NAGPA: variants seen among roughly 807,000 people sequenced by gnomAD.
NAGPA encodes the protein alpha-N-acetylglucosaminyl phosphodiesterase.
NAGPA carries 56 observed loss-of-function variants against 48.5 expected under a neutral mutation model. The observed-to-expected ratio is 1.15, with a 90% CI of 0.93 to 1.44. The LOEUF (loss-of-function observed/expected upper bound fraction) is 1.44. Among genes scored for constraint, NAGPA ranks in the 40% most tolerant of loss-of-function variants. The pLI is 0.00. For synonymous variants in NAGPA, 399 were observed against 315.5 expected (o/e 1.26, Z -2.81); for missense variants, 888 against 735.0 (o/e 1.21, Z -2.41).
chr16:5,031,830 C>T lies in NAGPA; in HGVS notation c.597G>A (p.Leu199=). The change falls in exon 3 of 10, where the codon CTG becomes CTA. Residue 199 remains leucine (L), a synonymous_variant. Transcript: ENST00000312251. ...TACGAATCAGCCACACGACCCCACT[C>T]AGCAGCTGCACAAATGGGTTCTCAG... ...LDTENPFVQL[L]SGVVWLIRNG... The T allele has an allele frequency of 6.2e-7, 1 of 1,614,204 alleles. No individual in the cohort carries two copies. The highest frequency in any genetic ancestry group is 8.5e-7 in the Non-Finnish European group (1 of 1,180,032).
At position 5,033,679 on chromosome 16, in the gene NAGPA, G is replaced by A. The variant is rs780701379; in HGVS notation, c.136C>T (p.Arg46Cys). The A allele has an allele frequency of 1.2e-5, 19 of 1,591,044 alleles. No homozygotes were observed. The highest frequency in any genetic ancestry group is 5.1e-5 in the Admixed American group (3 of 58,720). ...ACCCGTGTGCAGTCCCGGGGGAGGC[G>A]CGCGCGCGCGCGTGGATAGGGCAGT... ...LLLPYPRARA[R>C]LPRDCTRVRA... The change falls in exon 2 of 10, where the codon CGC becomes TGC. Residue 46 changes from arginine to cysteine, a missense_variant. By Grantham distance (180) the Arg-to-Cys change is radical (BLOSUM62 -3). Transcript: ENST00000312251. This position sits in a 1 kb window ranked among gnomAD's most constrained non-coding sequence, Gnocchi z 4.2.
Position 5,027,863 on chromosome 16 carries a change from C to T in NAGPA, c.1157G>A (p.Gly386Glu). 8 of 1,569,100 alleles carry T rather than the reference C, an allele frequency of 5.1e-6. No individual in the cohort carries two copies. The highest frequency in any genetic ancestry group is 6.9e-6 in the Non-Finnish European group (8 of 1,156,888). ...TGCRCDAGWTGSNCSEECPLG... is the reference protein window; with the variant it reads ...TGCRCDAGWTESNCSEECPLG... ...GCTCCTACCTTCACTGCAGTTGGAC[C>T]CGGTCCATCCGGCATCACAGCGGCA... is the stretch of plus-strand genomic sequence containing the variant. The change falls in exon 7 of 10, where the codon GGG (glycine) becomes GAG (glutamate). Residue 386 changes from glycine (G) to glutamate (E), a missense_variant. By Grantham distance (98) the Gly-to-Glu change is moderately conservative. Coordinates refer to ENST00000312251, the MANE Select transcript of NAGPA (RefSeq NM_016256.4).
At chr16:5,027,603 G>A (rs1345814611) in intron 7 of NAGPA, among the ~76,000 whole-genome samples, 1 of 152,212 alleles carries the variant, frequency 6.6e-6, no homozygotes, top group Non-Finnish European at 1.5e-5. Flanking sequence ...AGATAAGACC[G>A]TGCTGGATTT....
chr16:5,025,098 G>A lies in NAGPA; in HGVS notation c.*380C>T. ...GTCCCTTTAACCCACTCCAGCCAGG[G>A]GTGCTGGCCAGGATGTGCTGTTCTG... On this transcript the variant is annotated 3_prime_UTR_variant, in exon 10 of 10. Transcript: ENST00000312251. 3.7e-6 allele frequency: 1 copy of A among 273,350 alleles called. No homozygotes were observed. The highest frequency in any genetic ancestry group is 7.1e-6 in the Non-Finnish European group (1 of 140,130). The allele number at this position is 273,350 out of a possible 1,614,324, so 16.9% of individuals were successfully genotyped here. A position where few individuals can be genotyped will look rare whatever the true frequency, so the allele number is the denominator to read the frequency against.
rs373423815 is a variant in NAGPA at position 5,033,610 on chromosome 16, C to A, written c.205G>T (p.Ala69Ser). The A allele has an allele frequency of 2.6e-5, 39 of 1,504,654 alleles. No individual in the cohort carries two copies. In the African/African-American group the frequency reaches 4.5e-4, roughly 17 times the overall value. 93.2% of individuals were successfully genotyped at this position (1,504,654 alleles called of 1,614,324 possible). Residue 69 changes from alanine (A) to serine (S), a missense_variant, in exon 2 of 10, where the codon GCG (alanine) becomes TCG (serine). Transcript: ENST00000312251. The surrounding 1 kb of genome is among the most constrained non-coding windows in gnomAD (Gnocchi z 4.2). The stretch of plus-strand genomic sequence containing the variant: ...GCCAGACCGCCGGCGCCGGGAGTCG[C>A]GGGAGGCGGAGGCCAACTCTCGTGC... ...REHESWPPPP[A>S]TPGAGGLAVR...
intron 9 of NAGPA, among the ~76,000 whole-genome samples, chr16:5,026,809 G>T (rs574561778): frequency 6.6e-6 from 1 of 152,208 alleles, no homozygotes; most frequent in Non-Finnish European, 1.5e-5. Context: ...GCTGAGGCGG[G>T]AGGATCGCAG....
intron 2 of NAGPA, 45 bp from the exon 3 acceptor site, chr16:5,031,929 C>T (rs1346272769): frequency 6.2e-7 from 1 of 1,613,316 alleles, no homozygotes; most frequent in South Asian, 1.1e-5. Context: ...GCAGGGGCAA[C>T]TGCAGATAGT....
At chr16:5,031,499 C>T (rs1596666770) in intron 3 of NAGPA, 1 of 525,028 alleles carries the variant, frequency 1.9e-6, no homozygotes, top group South Asian at 2.1e-5. Context: ...CCCATCTCTC[C>T]CCTTTCCCCT....
intron 3 of NAGPA, chr16:5,030,924 C>T (rs897093470): frequency 6.8e-5 from 16 of 234,874 alleles, no homozygotes; most frequent in Admixed American, 3.1e-4. Flanking sequence ...CTTCCTTGAC[C>T]GCCCACTCTT....
intron 7 of NAGPA, 61 bp from the exon 8 acceptor site, chr16:5,027,440 G>C: frequency 1.9e-6 from 3 of 1,550,554 alleles, no homozygotes; most frequent in East Asian, 2.3e-5. Flanking sequence ...TCCAGTGTCA[G>C]AGCCTTTCTC....
Position 5,027,833 on chromosome 16 carries a change from T to C in NAGPA, c.1174+13A>G, listed in dbSNP as rs759350358. The stretch of plus-strand genomic sequence containing the variant: ...ACCGTCTCCCCATCCGCTAGTGGCG[T>C]GGCAGCTCCTACCTTCACTGCAGTT... On this transcript the variant is annotated intron_variant, in intron 7 of 9. Transcript: ENST00000312251. The C allele has an allele frequency of 4.4e-5, 68 of 1,554,660 alleles. No individual in the cohort carries two copies. The South Asian group carries it at 7.9e-4, about 18-fold the overall frequency.
intron 4 of NAGPA, 65 bp downstream of exon 4, chr16:5,030,320 T>C (rs1268964801): frequency 4.9e-6 from 7 of 1,428,804 alleles, no homozygotes; most frequent in South Asian, 2.4e-5. Context: ...GTGGCTGTCA[T>C]TGGGTCAACG....
chr16:5,029,891 T>C, intron 4 of NAGPA: 1 of 208,982 alleles, frequency 4.8e-6, no homozygotes, highest in Non-Finnish European at 9.7e-6. Context: ...ACCACTGCAC[T>C]CTGGCCTGGG....
Position 5,027,836 on chromosome 16 carries a change from C to T in NAGPA, c.1174+10G>A. On this transcript the variant is annotated intron_variant, in intron 7 of 9. Coordinates refer to ENST00000312251, the MANE Select transcript of NAGPA (RefSeq NM_016256.4). ...GTCTCCCCATCCGCTAGTGGCGTGGCAGCTCCTACCTTCACTGCAGTTGGA... is the reference window on the plus strand; with the variant it reads ...GTCTCCCCATCCGCTAGTGGCGTGGTAGCTCCTACCTTCACTGCAGTTGGA... 1.3e-6 allele frequency: 2 copies of T among 1,555,166 alleles called. No individual in the cohort carries two copies. The highest frequency in any genetic ancestry group is 1.7e-6 in the Non-Finnish European group (2 of 1,149,366).
chr16:5,030,921 G>C, intron 3 of NAGPA: 1 of 238,236 alleles, frequency 4.2e-6, no homozygotes, highest in Non-Finnish European at 8.3e-6. Flanking sequence ...GGCCTTCCTT[G>C]ACCGCCCACT....
In NAGPA at chr16:5,027,204, A is replaced by C. The variant is rs1018164970; in HGVS notation, c.1277-6T>G. 1.1e-5 allele frequency: 18 copies of C among 1,614,198 alleles called. No homozygotes were observed. The highest frequency in any genetic ancestry group is 1.5e-5 in the Non-Finnish European group (18 of 1,180,028). On this transcript the variant is annotated splice_region_variant and splice_polypyrimidine_tract_variant and intron_variant, in intron 8 of 9. Transcript: ENST00000312251. ...TGGCTGGAGACACTGCTTTACTGTA[A>C]CATACCAGAGACAGGCTGAAGGGGC... is the stretch of plus-strand genomic sequence containing the variant.
intron 5 of NAGPA, chr16:5,028,478 TC>T (rs1956044367): frequency 3.1e-6 from 2 of 651,490 alleles, no homozygotes; most frequent in African/African-American, 1.8e-5. Flanking sequence ...CAAGCGAACC[TC>T]CCACCTCGGC....
rs1955989452 is a variant in NAGPA at position 5,025,757 on chromosome 16, C to A, written c.1341-72G>T. On this transcript the variant is annotated intron_variant, in intron 9 of 9. Coordinates refer to ENST00000312251, the MANE Select transcript of NAGPA (RefSeq NM_016256.4). The stretch of plus-strand genomic sequence containing the variant: ...CAGGGCTTGGGTAGCACTGGAGGGG[C>A]TTCCCTCTACCCGGCATAGATAGCA... 6.1e-6 allele frequency: 9 copies of A among 1,465,984 alleles called. No homozygotes were observed. In the East Asian group the frequency reaches 1.7e-4, roughly 28 times the overall value. 90.8% of individuals were successfully genotyped at this position (1,465,984 alleles called of 1,614,324 possible). A position where few individuals can be genotyped will look rare whatever the true frequency, so the allele number is the denominator to read the frequency against.
intron 5 of NAGPA, 158 bp downstream of exon 5, chr16:5,028,722 T>C: frequency 8.9e-7 from 1 of 1,124,424 alleles, no homozygotes; most frequent in Non-Finnish European, 1.3e-6. Flanking sequence ...CTCCTAGGCC[T>C]GGGTAGTACT....
Sources: allele counts gnomAD v4.1 joint callset (sites outside exome capture counted in the v4.1 genomes callset), GRCh38; gene constraint gnomAD v4.1.1; non-coding constraint Gnocchi (gnomAD v3.1); transcripts MANE v1.5; gene names NCBI Gene and HGNC (gene_info 2026-07-23, HGNC 2026-07-21).